The following MACROD2 variants were observed in gnomAD, a reference collection of about 807,000 sequenced individuals.
The protein encoded by MACROD2 is mono-ADP ribosylhydrolase 2.
In MACROD2, 36 loss-of-function variants were observed where a neutral mutation model predicts 70.4. The observed-to-expected ratio is 0.51, with a 90% CI of 0.39 to 0.68. MACROD2 has a LOEUF of 0.68. Among genes scored for constraint, MACROD2 ranks in the 30% least tolerant of loss-of-function variants. The pLI is 0.00. For synonymous variants in MACROD2, 172 were observed against 178.8 expected (o/e 0.96, Z 0.30); for missense variants, 496 against 538.4 (o/e 0.92, Z 0.78).
chr20:14,000,656 G>T (rs1037982776), intron 1 of MACROD2, among the ~76,000 whole-genome samples: 6 of 152,196 alleles, frequency 3.9e-5, no homozygotes, highest in Non-Finnish European at 5.9e-5. Flanking sequence ...GAGTGAAGAA[G>T]CCAGTGTCAG....
chr20:14,239,945 T>C (rs2081914087), intron 3 of MACROD2, among the ~76,000 whole-genome samples: 1 of 152,210 alleles, frequency 6.6e-6, no homozygotes, highest in Non-Finnish European at 1.5e-5. Flanking sequence ...GACAAGGCTC[T>C]TATATCCGGA....
intron 6 of MACROD2, among the ~76,000 whole-genome samples, chr20:15,405,416 G>A (rs1380315346): frequency 6.6e-6 from 1 of 152,164 alleles, no homozygotes; most frequent in Non-Finnish European, 1.5e-5. Context: ...GCGCAGAGGG[G>A]ACTTCCAATG....
intron 8 of MACROD2, among the ~76,000 whole-genome samples, chr20:15,674,553 C>G (rs2050028505): frequency 6.6e-6 from 1 of 152,034 alleles, no homozygotes. Context: ...TTCTCAGTCC[C>G]CATAACTCAA....
chr20:14,786,443 A>G (rs2123793886), intron 5 of MACROD2, among the ~76,000 whole-genome samples: 1 of 152,120 alleles, frequency 6.6e-6, no homozygotes, highest in East Asian at 1.9e-4. Context: ...GCTGGGAAGG[A>G]CGCAAGTATC....
intron 5 of MACROD2, among the ~76,000 whole-genome samples, chr20:15,105,243 T>C (rs1270531002): frequency 6.6e-6 from 1 of 152,114 alleles, no homozygotes; most frequent in Non-Finnish European, 1.5e-5. Context: ...GCTCTATTTG[T>C]AAATGGTTGT....
intron 8 of MACROD2, among the ~76,000 whole-genome samples, chr20:15,804,168 A>C (rs1393806073): frequency 6.6e-6 from 1 of 152,198 alleles, no homozygotes; most frequent in Non-Finnish European, 1.5e-5. Flanking sequence ...ATCAGGCCCT[A>C]CTTATAAACT....
At chr20:16,036,502 T>C (rs913824006) in intron 15 of MACROD2, among the ~76,000 whole-genome samples, 1 of 152,036 alleles carries the variant, frequency 6.6e-6, no homozygotes, top group Admixed American at 6.6e-5. Flanking sequence ...CCAGACTTTT[T>C]CTATTTCTGC....
intron 3 of MACROD2, among the ~76,000 whole-genome samples, chr20:14,477,566 T>C (rs1386718995): frequency 6.6e-6 from 1 of 152,214 alleles, no homozygotes; most frequent in Non-Finnish European, 1.5e-5. Flanking sequence ...GGTCTACTTC[T>C]TTCTAGGTAT....
chr20:14,369,251 G>C (rs565042311), intron 3 of MACROD2, among the ~76,000 whole-genome samples: 1 of 151,878 alleles, frequency 6.6e-6, no homozygotes, highest in Non-Finnish European at 1.5e-5. Context: ...GGTGCTTTGC[G>C]TTATTCCCCA....
chr20:15,349,891 A>G (rs549507627), intron 6 of MACROD2, among the ~76,000 whole-genome samples: 1 of 152,158 alleles, frequency 6.6e-6, no homozygotes, highest in African/African-American at 2.4e-5. Context: ...GGGGGACCTC[A>G]TCTTGGCTGG....
intron 8 of MACROD2, among the ~76,000 whole-genome samples, chr20:15,513,435 AC>A (rs1396355867): frequency 3.3e-5 from 5 of 152,068 alleles, no homozygotes; most frequent in African/African-American, 1.2e-4. Context: ...TTGCCCCCAA[AC>A]CCCCTTCCAC....
In MACROD2 at chr20:14,718,292, C is replaced by CAAAAAAAAAAA. The variant is rs11358439; in HGVS notation, c.418+33349_418+33359dup. On this transcript the variant is annotated intron_variant, in intron 5 of 17. Coordinates refer to ENST00000684519, the MANE Select transcript of MACROD2 (RefSeq NM_001351661.2). ...TGGGCGACAGAGAGAGACTCTGTCTCAAAAAAAAAAAAAAAAAAAAAAAAA... is the reference window on the plus strand; with the variant it reads ...TGGGCGACAGAGAGAGACTCTGTCTCAAAAAAAAAAAAAAAAAAAAAAAAAAAAAAAAAAAA... Among the ~76,000 whole-genome samples, 79 of 54,650 alleles carry CAAAAAAAAAAA rather than the reference C, an allele frequency of 1.4e-3. 7 individuals are homozygous for CAAAAAAAAAAA. Among genetic ancestry groups the CAAAAAAAAAAA allele is most frequent in the Non-Finnish European group, 1.9e-3 (62 of 33,468 alleles). 35.9% of individuals were successfully genotyped at this position (54,650 alleles called of 152,430 possible). A position where few individuals can be genotyped will look rare whatever the true frequency, so the allele number is the denominator to read the frequency against.
intron 3 of MACROD2, among the ~76,000 whole-genome samples, chr20:14,232,320 C>G (rs879299092): frequency 6.6e-6 from 1 of 152,180 alleles, no homozygotes; most frequent in Non-Finnish European, 1.5e-5. Flanking sequence ...GTTAGCCTGT[C>G]TTTTGACTCT....
At chr20:16,049,528 C>T (rs1028087150) in intron 17 of MACROD2, among the ~76,000 whole-genome samples, 1 of 152,134 alleles carries the variant, frequency 6.6e-6, no homozygotes, top group Non-Finnish European at 1.5e-5. Context: ...GAAGCCACAT[C>T]AACTCAGGGT....
chr20:15,910,725 A>C (rs1022505717), intron 10 of MACROD2, among the ~76,000 whole-genome samples: 13 of 152,204 alleles, frequency 8.5e-5, no homozygotes, highest in Non-Finnish European at 1.9e-4. Context: ...TGTAATTTAA[A>C]AAACTCCCAA....
At chr20:14,958,418 GAGAT>G (rs1245553977) in intron 5 of MACROD2, among the ~76,000 whole-genome samples, 1 of 152,130 alleles carries the variant, frequency 6.6e-6, no homozygotes, top group African/African-American at 2.4e-5. Context: ...CCTGCTTCCA[GAGAT>G]AGATGAGAAG....
intron 10 of MACROD2, among the ~76,000 whole-genome samples, chr20:15,904,539 T>A (rs1170263583): frequency 6.6e-6 from 1 of 151,954 alleles, no homozygotes; most frequent in African/African-American, 2.4e-5. Flanking sequence ...ACTTCCCAGT[T>A]AAGGAATGAT....
intron 4 of MACROD2, among the ~76,000 whole-genome samples, chr20:14,638,474 A>G (rs1984906163): frequency 6.6e-6 from 1 of 152,116 alleles, no homozygotes; most frequent in South Asian, 2.1e-4. Flanking sequence ...GATTATATAT[A>G]GAGAGAGAGC....
chr20:15,950,632 G>A (rs1280726162), intron 12 of MACROD2, among the ~76,000 whole-genome samples: 2 of 152,136 alleles, frequency 1.3e-5, no homozygotes, highest in Non-Finnish European at 2.9e-5. Flanking sequence ...CTGGAAAACG[G>A]CACTTCCTTT....
Sources: gnomAD v4.1 joint callset for allele counts (sites outside exome capture counted in the v4.1 genomes callset) on GRCh38, gnomAD v4.1.1 for gene constraint, MANE v1.5 for transcripts, NCBI Gene and HGNC (gene_info 2026-07-23, HGNC 2026-07-21) for gene names.